Variants in ART3 observed in about 807,000 individuals in gnomAD.
ART3 encodes ADP-ribosyltransferase 3 (inactive), also known as ecto-ADP-ribosyltransferase 3.
A neutral mutation model predicts 48.5 loss-of-function variants in ART3; 49 were observed. That is an observed-to-expected ratio of 1.01 (90% CI 0.80 to 1.28). The LOEUF (loss-of-function observed/expected upper bound fraction) is 1.28. Ranked by LOEUF, ART3 falls within the 50% of genes most tolerant of loss-of-function variation. ART3 has a pLI of 0.00. For synonymous variants in ART3, 145 were observed against 157.2 expected, an observed-to-expected ratio of 0.92 and a Z score of 0.58; for missense variants, 438 against 454.3, an observed-to-expected ratio of 0.96 and a Z score of 0.33.
chr4:76,060,114 C>T lies in ART3; in HGVS notation c.-9-15767C>T, dbSNP rs76398671. 6.0e-3 allele frequency among the ~76,000 whole-genome samples: 918 copies of T among 152,266 alleles called. 21 individuals carry two copies. Among genetic ancestry groups the T allele is most frequent in the African/African-American group, 0.02 (841 of 41,550 alleles). On this transcript the variant is annotated intron_variant, in intron 1 of 9. Coordinates refer to the ART3 transcript ENST00000341029. The stretch of plus-strand genomic sequence containing the variant: ...AGTCAGGTCTTAAAAAACTCATTTC[C>T]GTAGTTCCTGGTTTATAAAGTCTAA...
At chr4:76,016,897 T>C (rs1303526301) in intron 1 of ART3, among the ~76,000 whole-genome samples, 1 of 152,138 alleles carries the variant, frequency 6.6e-6, no homozygotes, top group African/African-American at 2.4e-5. Context: ...CTAACACCAA[T>C]ATTCACTTAA....
intron 1 of ART3, among the ~76,000 whole-genome samples, chr4:76,062,337 G>T (rs1217448556): frequency 6.6e-6 from 1 of 152,024 alleles, no homozygotes; most frequent in Non-Finnish European, 1.5e-5. Context: ...TTCCAACCTT[G>T]GGAAAAAAGT....
intron 1 of ART3, among the ~76,000 whole-genome samples, chr4:76,013,972 A>G (rs79680622): frequency 0.042 from 6,401 of 152,252 alleles, 175 homozygotes; most frequent in Non-Finnish European, 0.064. Context: ...ATATCTATCA[A>G]TTCTTTACAT....
At position 76,104,668 on chromosome 4, in the gene ART3, G is replaced by A. The variant is rs941460049; in HGVS notation, c.1003+39G>A. On this transcript the variant is annotated intron_variant, in intron 10 of 11. Coordinates refer to ENST00000355810, the MANE Select transcript of ART3 (RefSeq NM_001130016.3). ...AGGCATGCCAGAGGGGAACATGCCA[G>A]TTTGGGGAGTACAGTCACCATTAGA... 3.9e-6 allele frequency: 6 copies of A among 1,550,296 alleles called. No homozygotes were observed. The African/African-American group carries it at 8.2e-5, about 21-fold the overall frequency.
At chr4:76,036,740 G>A (rs1015186934) in intron 1 of ART3, 1 of 208,716 alleles carries the variant, frequency 4.8e-6, no homozygotes, top group Admixed American at 5.8e-5. Context: ...ATAGGCAGAT[G>A]GCAGGGGGCT....
chr4:76,023,267 G>T, intron 1 of ART3: 4 of 836,606 alleles, frequency 4.8e-6, no homozygotes, highest in Non-Finnish European at 6.0e-6. Flanking sequence ...TTATTTATAA[G>T]CATGCAGTGA....
At chr4:76,032,677 C>T (rs551609523) in intron 1 of ART3, among the ~76,000 whole-genome samples, 2 of 149,908 alleles carry the variant, frequency 1.3e-5, no homozygotes, top group South Asian at 2.1e-4. Flanking sequence ...CTCTGCCTCC[C>T]GGGTTCAAGC....
chr4:76,110,825 T>C (rs1008679288), intron 11 of ART3, among the ~76,000 whole-genome samples: 3 of 152,020 alleles, frequency 2.0e-5, no homozygotes, highest in Non-Finnish European at 4.4e-5. Context: ...ACAAACTGCA[T>C]GACCTAGAAA....
At chr4:76,079,066 G>A (rs1297417531) in intron 2 of ART3, among the ~76,000 whole-genome samples, 1 of 151,612 alleles carries the variant, frequency 6.6e-6, no homozygotes, top group Non-Finnish European at 1.5e-5. Context: ...GGGCGGCAGA[G>A]CGAGACTCCG....
At chr4:76,095,646 G>A (rs934430070) in intron 3 of ART3, among the ~76,000 whole-genome samples, 8 of 152,210 alleles carry the variant, frequency 5.3e-5, no homozygotes, top group African/African-American at 1.9e-4. Context: ...AAAGTATGTA[G>A]CAATAATAGT....
At chr4:76,097,709 A>T in intron 4 of ART3, 33 bp downstream of exon 4, 1 of 1,561,846 alleles carries the variant, frequency 6.4e-7, no homozygotes, top group Non-Finnish European at 8.8e-7. Flanking sequence ...TCCCTATAAT[A>T]GGAATTTTAT....
At chr4:76,014,759 A>C (rs1732110731) in intron 1 of ART3, among the ~76,000 whole-genome samples, 1 of 152,210 alleles carries the variant, frequency 6.6e-6, no homozygotes, top group Non-Finnish European at 1.5e-5. Flanking sequence ...CCTAATAGTC[A>C]AACTGCTAAA....
rs1056971093 is a variant in ART3, at chr4:76,105,593, T to A, written c.1003+964T>A. On this transcript the variant is annotated intron_variant, in intron 10 of 11. Transcript: ENST00000355810. ...TATTGGGGGTGGAGGCACCATGGAT[T>A]CTAAGTCCTTTACCATAATCATTCA... 11 of 1,284,230 alleles carry A rather than the reference T, an allele frequency of 8.6e-6. No individual in the cohort carries two copies. The African/African-American group carries it at 1.5e-4, about 18-fold the overall frequency. The allele number at this position is 1,284,230 out of a possible 1,614,324, so 79.6% of individuals were successfully genotyped here.
chr4:76,105,288 A>G (rs1277789095), intron 10 of ART3, among the ~76,000 whole-genome samples: 1 of 152,216 alleles, frequency 6.6e-6, no homozygotes, highest in South Asian at 2.1e-4. Flanking sequence ...TGAGCTGTGT[A>G]GACAGATAGA....
intron 8 of ART3, 56 bp downstream of exon 8, chr4:76,101,075 C>T: frequency 1.9e-6 from 3 of 1,589,584 alleles, no homozygotes; most frequent in Non-Finnish European, 2.6e-6. Flanking sequence ...TCTCCCTTTA[C>T]ATGTGGGAAC....
chr4:76,101,763 A>G (rs937740337), intron 8 of ART3, among the ~76,000 whole-genome samples: 2 of 151,638 alleles, frequency 1.3e-5, no homozygotes, highest in South Asian at 4.2e-4. Flanking sequence ...GAAAAAAAAA[A>G]TTACTCAGAT....
Position 76,082,472 on chromosome 4 carries a change from A to G in ART3, c.718A>G (p.Asn240Asp). 6.2e-7 allele frequency: 1 copy of G among 1,612,432 alleles called. No individual in the cohort carries two copies. Among genetic ancestry groups the G allele is most frequent in the East Asian group, 2.2e-5 (1 of 44,872 alleles). ...VFQVSQEGAG[N>D]NLILQSINKT... is the part of the protein sequence containing the mutation. ...TCAAGTGTCACAGGAGGGGGCTGGC[A>G]ATAACCTTATCCTTCAAAGCATAAA... is the stretch of plus-strand genomic sequence containing the variant. The change falls in exon 3 of 12, where the codon AAT becomes GAT. Residue 240 changes from asparagine (N) to aspartate (D), a missense_variant. Around this residue, in one of 3 missense-constraint regions of ART3, gnomAD observed 227 missense variants for 229.6 expected, o/e 0.99. Coordinates refer to ENST00000355810, the MANE Select transcript of ART3 (RefSeq NM_001130016.3).
At chr4:76,110,333 T>G (rs546813994) in intron 11 of ART3, among the ~76,000 whole-genome samples, 5 of 152,314 alleles carry the variant, frequency 3.3e-5, no homozygotes, top group Non-Finnish European at 7.4e-5. Context: ...TACAGGAGGA[T>G]GTGTGTAGGT....
At chr4:76,035,399 GT>G in intron 1 of ART3, 2 of 1,571,918 alleles carry the variant, frequency 1.3e-6, no homozygotes, top group South Asian at 2.3e-5. Flanking sequence ...GATGGCTGTG[GT>G]TTATAGCTGG....
Sources: gnomAD v4.1 joint callset for allele counts (sites outside exome capture counted in the v4.1 genomes callset) on GRCh38, gnomAD v4.1.1 for gene constraint, gnomAD v4.1.1 regional missense constraint, MANE v1.5 for transcripts, NCBI Gene and HGNC (gene_info 2026-07-23, HGNC 2026-07-21) for gene names.